SYNJ1: variants seen among roughly 807,000 people sequenced by gnomAD.
The protein encoded by SYNJ1 is synaptojanin 1.
SYNJ1 carries 78 observed loss-of-function variants against 168.2 expected under a neutral mutation model. The ratio of observed to expected loss-of-function variants is 0.46; its 90% confidence interval spans 0.39 to 0.56. The LOEUF is 0.56. Among genes scored for constraint, SYNJ1 ranks in the 20% least tolerant of loss-of-function variants. The pLI is 0.00. For missense variants in SYNJ1, 1,303 were observed against 1,597.6 expected, an observed-to-expected ratio of 0.82 and a Z score of 3.14; for synonymous variants, 539 against 548.6, an observed-to-expected ratio of 0.98 and a Z score of 0.24.
chr21:32,686,033 A>G, intron 8 of SYNJ1, 116 bp from the exon 9 acceptor site: 1 of 1,056,108 alleles, frequency 9.5e-7, no homozygotes, highest in Non-Finnish European at 1.3e-6. Context: ...AAGCCTCAAA[A>G]ACTATCCCTG....
At chr21:32,717,783 T>C (rs1173891885) in intron 2 of SYNJ1, among the ~76,000 whole-genome samples, 1 of 152,178 alleles carries the variant, frequency 6.6e-6, no homozygotes, top group Non-Finnish European at 1.5e-5. Flanking sequence ...CCTCTACAGA[T>C]CTCTGGAGCT....
intron 6 of SYNJ1, 21 bp from the exon 7 acceptor site, chr21:32,688,388 T>C (rs2041905456): frequency 6.8e-6 from 11 of 1,607,084 alleles, no homozygotes; most frequent in Non-Finnish European, 9.3e-6. Flanking sequence ...AAAAATATAT[T>C]TAATCAAACC....
chr21:32,686,935 G>A, intron 8 of SYNJ1, 43 bp downstream of exon 8: 2 of 1,232,212 alleles, frequency 1.6e-6, no homozygotes, highest in East Asian at 5.3e-5. Flanking sequence ...TACCATTCTA[G>A]GTGTCCATGG....
rs1171499904 is a variant in SYNJ1 at position 32,644,925 on chromosome 21, A to T, written c.3430+43T>A. On this transcript the variant is annotated intron_variant, in intron 26 of 32. Coordinates refer to ENST00000674351, the MANE Select transcript of SYNJ1 (RefSeq NM_203446.3). ...AAATGTCTTTCAGGTGTAAAACATT[A>T]ATGAACCACGATTCACACATGCTAA... 1.9e-6 allele frequency: 3 copies of T among 1,593,674 alleles called. No homozygotes were observed. In the Admixed American group the frequency reaches 5.3e-5, roughly 28 times the overall value.
At chr21:32,689,969 G>A (rs187922973) in intron 6 of SYNJ1, among the ~76,000 whole-genome samples, 2 of 152,182 alleles carry the variant, frequency 1.3e-5, no homozygotes, top group Non-Finnish European at 2.9e-5. Context: ...TTTCTTTGGA[G>A]TAATCCCAGA....
At chr21:32,678,624 T>A in intron 12 of SYNJ1, 21 bp downstream of exon 12, 1 of 1,517,388 alleles carries the variant, frequency 6.6e-7, no homozygotes, top group African/African-American at 1.7e-5. Flanking sequence ...AAATAACAAA[T>A]AAAATATAAA....
intron 25 of SYNJ1, 82 bp downstream of exon 25, chr21:32,645,564 A>T: frequency 7.1e-7 from 1 of 1,416,454 alleles, no homozygotes; most frequent in Admixed American, 3.3e-5. Flanking sequence ...TCCAGAAGCT[A>T]GAGATTGGAA....
chr21:32,685,386 A>G (rs1263780819), intron 9 of SYNJ1, among the ~76,000 whole-genome samples: 2 of 143,230 alleles, frequency 1.4e-5, no homozygotes, highest in Non-Finnish European at 3.0e-5. Flanking sequence ...CAGGAGTTTG[A>G]GCCCAGCCAG....
intron 6 of SYNJ1, among the ~76,000 whole-genome samples, chr21:32,688,990 A>G (rs151225535): frequency 6.6e-5 from 10 of 152,350 alleles, no homozygotes; most frequent in African/African-American, 2.2e-4. Context: ...CAATTATAGT[A>G]TTTGCACATT....
chr21:32,722,139 C>G (rs1210742881), intron 2 of SYNJ1, among the ~76,000 whole-genome samples: 3 of 145,444 alleles, frequency 2.1e-5, no homozygotes, highest in Non-Finnish European at 4.5e-5. Context: ...GAGCCGAGAT[C>G]GTGCCATTGC....
At chr21:32,633,901 T>C (rs998739291) in intron 32 of SYNJ1, among the ~76,000 whole-genome samples, 11 of 152,250 alleles carry the variant, frequency 7.2e-5, no homozygotes, top group African/African-American at 2.7e-4. Flanking sequence ...AACTGTACTC[T>C]AAATGTCTTA....
chr21:32,716,724 G>C (rs1033955505), intron 2 of SYNJ1, among the ~76,000 whole-genome samples: 1 of 152,170 alleles, frequency 6.6e-6, no homozygotes, highest in Non-Finnish European at 1.5e-5. Context: ...ATTTCTTCAA[G>C]TGTTTTTCTT....
intron 31 of SYNJ1, among the ~76,000 whole-genome samples, chr21:32,637,431 T>C: frequency 7.4e-6 from 1 of 136,046 alleles, no homozygotes. Context: ...TTTTTTGAGA[T>C]GGAGTCTCGC....
chr21:32,717,042 C>T (rs2146346277), intron 2 of SYNJ1, among the ~76,000 whole-genome samples: 1 of 152,180 alleles, frequency 6.6e-6, no homozygotes, highest in African/African-American at 2.4e-5. Flanking sequence ...TCACTGCAAC[C>T]TCCAACTCCT....
At position 32,678,020 on chromosome 21, in the gene SYNJ1, G is replaced by A. The variant is rs143175595; in HGVS notation, c.1510+625C>T. Reference sequence around the variant, plus strand: ...TCTACAATGAATGTTGAGTTTTCCCGTCATGCTACTTTTATGTGCTCACTG... The same window carrying A: ...TCTACAATGAATGTTGAGTTTTCCCATCATGCTACTTTTATGTGCTCACTG... On this transcript the variant is annotated intron_variant, in intron 12 of 32. Transcript: ENST00000674351. Among the ~76,000 whole-genome samples, 461 of 152,086 alleles carry A rather than the reference G, an allele frequency of 3.0e-3. 2 individuals are homozygous for A. Among genetic ancestry groups the A allele is most frequent in the African/African-American group, 0.011 (442 of 41,494 alleles).
chr21:32,655,192 T>C (rs186764598), intron 21 of SYNJ1, among the ~76,000 whole-genome samples: 1 of 152,328 alleles, frequency 6.6e-6, no homozygotes, highest in East Asian at 1.9e-4. Context: ...TCATCCCTTA[T>C]ACAGTTTGGA....
Position 32,673,324 on chromosome 21 carries a change from A to T in SYNJ1, c.1726+16T>A. On this transcript the variant is annotated intron_variant, in intron 14 of 32. Coordinates refer to ENST00000674351, the MANE Select transcript of SYNJ1 (RefSeq NM_203446.3). ...GTCAGGATTTATTAACTAAATCCAT[A>T]TTATAAAAAGCCAACCTTGAAACTC... The T allele has an allele frequency of 6.3e-7, 1 of 1,597,128 alleles. No homozygotes were observed. Among genetic ancestry groups the T allele is most frequent in the South Asian group, 1.1e-5 (1 of 88,472 alleles).
chr21:32,657,777 G>GC lies in SYNJ1; in HGVS notation c.2399dup (p.Thr801HisfsTer18). ...GGACACGGTCTGTCCAGGCAGGGGTGCGGCACTTTTCACTGGTGTCATAGT... is the reference window on the plus strand; with the variant it reads ...GGACACGGTCTGTCCAGGCAGGGGTGCCGGCACTTTTCACTGGTGTCATAGT... On this transcript the variant is annotated frameshift_variant, in exon 19 of 33. Transcript: ENST00000674351. LOFTEE classifies it high-confidence loss of function. The GC allele has an allele frequency of 6.2e-7, 1 of 1,614,158 alleles. No individual in the cohort carries two copies. The highest frequency in any genetic ancestry group is 8.5e-7 in the Non-Finnish European group (1 of 1,180,020).
rs74956641 is a variant in SYNJ1, at chr21:32,713,000, T to C, written c.125-10953A>G. On this transcript the variant is annotated intron_variant, in intron 2 of 32. Transcript: ENST00000674351. ...CAAGGATGTTCATACTTGTGTCATT[T>C]ATAATAGCAAAATTGGAAATAAAGC... 9.4e-3 allele frequency among the ~76,000 whole-genome samples: 1,436 copies of C among 152,346 alleles called. 26 individuals are homozygous for C. The highest frequency in any genetic ancestry group is 0.033 in the African/African-American group (1,384 of 41,582).
Sources: allele counts gnomAD v4.1 joint callset (sites outside exome capture counted in the v4.1 genomes callset), GRCh38; gene constraint gnomAD v4.1.1; transcripts MANE v1.5; gene names NCBI Gene and HGNC (gene_info 2026-07-23, HGNC 2026-07-21).